The following IWS1 variants were observed in gnomAD, a reference collection of about 807,000 sequenced individuals.
IWS1 encodes the protein interacts with SUPT6H, CTD assembly factor 1.
Under a neutral mutation model 86.7 loss-of-function variants are expected in IWS1, and 27 were observed. The observed-to-expected ratio is 0.31, with a 90% CI of 0.23 to 0.43. The LOEUF (loss-of-function observed/expected upper bound fraction) is 0.43, where lower values mean the gene tolerates loss of function less well. IWS1 is among the 20% of genes least tolerant of loss of function. IWS1 has a pLI of 1.00. For missense variants in IWS1, 827 were observed against 1,000.8 expected (o/e 0.83, Z 2.34); for synonymous variants, 313 against 335.1 (o/e 0.93, Z 0.72).
intron 1 of IWS1, 58 bp downstream of exon 1, chr2:127,526,117 A>G: frequency 1.3e-6 from 2 of 1,529,042 alleles, no homozygotes; most frequent in African/African-American, 1.4e-5. Flanking sequence ...GTGCCAGGCC[A>G]AGCCCCGCCG....
intron 2 of IWS1, among the ~76,000 whole-genome samples, chr2:127,508,413 A>T (rs1691261959): frequency 6.6e-6 from 1 of 152,208 alleles, no homozygotes; most frequent in Non-Finnish European, 1.5e-5. Context: ...CTGAGTTAAG[A>T]CGGGAGGGTG....
In IWS1 at chr2:127,505,634, T is replaced by C. The variant is rs572106694; in HGVS notation, c.269A>G (p.Gln90Arg). ...CTCAGATTCAGAGTCGCTGTCCTTT[T>C]GCCTGTGAAGCTCCTCACTTTCAGA... ...SDSESEELHR[Q>R]KDSDSESEER... is the part of the protein sequence containing the mutation. Residue 90 changes from glutamine (Q) to arginine (R), a missense_variant, in exon 3 of 14, where the codon CAA (glutamine) becomes CGA (arginine). Gln to Arg is a conservative substitution (Grantham distance 43). Around this residue, in one of 2 missense-constraint regions of IWS1, gnomAD observed 548 missense variants for 560.2 expected, o/e 0.98. Coordinates refer to ENST00000295321, the MANE Select transcript of IWS1 (RefSeq NM_017969.3). The surrounding 1 kb of genome is among the most constrained non-coding windows in gnomAD (Gnocchi z 5.0). The C allele has an allele frequency of 6.2e-7, 1 of 1,613,482 alleles. No individual in the cohort carries two copies. Among genetic ancestry groups the C allele is most frequent in the Admixed American group, 1.7e-5 (1 of 59,930 alleles).
intron 6 of IWS1, among the ~76,000 whole-genome samples, chr2:127,497,378 T>C (rs749328430): frequency 2.2e-4 from 34 of 152,350 alleles, no homozygotes; most frequent in Non-Finnish European, 3.8e-4. Context: ...TGTTGTGGTC[T>C]TATATAGCAT....
intron 2 of IWS1, among the ~76,000 whole-genome samples, chr2:127,521,586 G>GT (rs935756644): frequency 4.6e-5 from 7 of 152,172 alleles, no homozygotes; most frequent in Non-Finnish European, 8.8e-5. Flanking sequence ...ACTTACAGAG[G>GT]TAAGACCTAC....
At chr2:127,524,590 G>T (rs1408948652) in intron 1 of IWS1, among the ~76,000 whole-genome samples, 2 of 151,268 alleles carry the variant, frequency 1.3e-5, no homozygotes, top group Non-Finnish European at 2.9e-5. Context: ...CCAGGCTGGA[G>T]TGCAATGGTG....
intron 1 of IWS1, among the ~76,000 whole-genome samples, chr2:127,524,451 A>C (rs189682122): frequency 6.6e-6 from 1 of 151,120 alleles, no homozygotes; most frequent in East Asian, 2.0e-4. Context: ...TTTGCCTCCT[A>C]AAGTGCTGGG....
chr2:127,519,312 G>A (rs922922452), intron 2 of IWS1, among the ~76,000 whole-genome samples: 4 of 152,096 alleles, frequency 2.6e-5, no homozygotes, highest in African/African-American at 9.7e-5. Flanking sequence ...TCTGTCACCT[G>A]TCTGAGATTA....
At chr2:127,482,391 C>T (rs3732207) in intron 13 of IWS1, 77,065 of 151,976 alleles carry the variant, frequency 0.51, 21,395 homozygotes, top group Admixed American at 0.66. Context: ...TATTCTGTAT[C>T]GTCTCAATAC....
chr2:127,498,279 T>A lies in IWS1; in HGVS notation c.1468-42A>T, dbSNP rs200867972. ...CACAACCTCCTTACAGATTTTCTTC[T>A]GTATTAAGTGTTCTTAATATTTTGC... On this transcript the variant is annotated intron_variant, in intron 5 of 13. Coordinates refer to ENST00000295321, the MANE Select transcript of IWS1 (RefSeq NM_017969.3). 50 of 1,569,308 alleles carry A rather than the reference T, an allele frequency of 3.2e-5. 1 individual carries two copies. In the African/African-American group the frequency reaches 5.3e-4, roughly 17 times the overall value.
At chr2:127,486,126 T>TGTCTA (rs1024411269) in intron 13 of IWS1, 7 of 169,962 alleles carry the variant, frequency 4.1e-5, no homozygotes, top group African/African-American at 1.7e-4. Flanking sequence ...ACAGAATAAG[T>TGTCTA]GTCTACCCTA....
In IWS1 at chr2:127,526,440, G is replaced by A. The variant is rs1464112175; in HGVS notation, c.-232C>T. ...CAGGCTGGCGGGCGGGCAGGCATGC[G>A]AGCCGGCGTTCTACTTCCTAGAAGC... On this transcript the variant is annotated 5_prime_UTR_variant, in exon 1 of 14. Transcript: ENST00000295321. 4 of 1,535,192 alleles carry A rather than the reference G, an allele frequency of 2.6e-6. No individual in the cohort carries two copies. Among genetic ancestry groups the A allele is most frequent in the East Asian group, 4.9e-5 (2 of 40,632 alleles).
chr2:127,486,446 T>C, intron 13 of IWS1, 107 bp downstream of exon 13: 2 of 801,570 alleles, frequency 2.5e-6, no homozygotes, highest in East Asian at 2.7e-5. Flanking sequence ...CAGTCCTCTC[T>C]GAATCAGACA....
intron 12 of IWS1, among the ~76,000 whole-genome samples, chr2:127,488,546 C>T (rs1238861171): frequency 6.6e-6 from 1 of 152,184 alleles, no homozygotes; most frequent in East Asian, 1.9e-4. Flanking sequence ...CCTCTGTTTC[C>T]CAACTACCAC....
intron 2 of IWS1, among the ~76,000 whole-genome samples, chr2:127,518,393 G>A (rs561964627): frequency 6.6e-6 from 1 of 152,212 alleles, no homozygotes; most frequent in South Asian, 2.1e-4. Flanking sequence ...GCGCATGCCT[G>A]TGGTCTCAGC....
At chr2:127,486,818 T>A (rs1220065261) in intron 12 of IWS1, among the ~76,000 whole-genome samples, 154 bp from the exon 13 acceptor site, 1 of 152,212 alleles carries the variant, frequency 6.6e-6, no homozygotes, top group Non-Finnish European at 1.5e-5. Flanking sequence ...TCCACCCTCC[T>A]GCCGCCTCCC....
At position 127,523,061 on chromosome 2, in the gene IWS1, T is replaced by C. The variant is rs150793755; in HGVS notation, c.150+615A>G. 7.7e-3 allele frequency among the ~76,000 whole-genome samples: 1,174 copies of C among 152,044 alleles called. 20 individuals carry two copies. The highest frequency in any genetic ancestry group is 0.027 in the African/African-American group (1,118 of 41,476). On this transcript the variant is annotated intron_variant, in intron 2 of 13. Transcript: ENST00000295321. ...CCCATCTCTACCAAGAAAACAAAAATAGCTGGACGTGGTGGCCTGTGCCTG... is the reference window on the plus strand; with the variant it reads ...CCCATCTCTACCAAGAAAACAAAAACAGCTGGACGTGGTGGCCTGTGCCTG...
intron 10 of IWS1, among the ~76,000 whole-genome samples, 167 bp from the exon 11 acceptor site, chr2:127,490,110 G>A (rs1310013770): frequency 6.6e-6 from 1 of 152,176 alleles, no homozygotes; most frequent in Non-Finnish European, 1.5e-5. Flanking sequence ...CATAATGCCA[G>A]TGTACTGACT....
At chr2:127,525,705 G>A (rs1419104129) in intron 1 of IWS1, among the ~76,000 whole-genome samples, 1 of 152,172 alleles carries the variant, frequency 6.6e-6, no homozygotes, top group Admixed American at 6.5e-5. Flanking sequence ...ACCAGTAAGT[G>A]CCAGAAGCGC....
At chr2:127,491,611 T>C (rs1247591544) in intron 10 of IWS1, among the ~76,000 whole-genome samples, 1 of 151,990 alleles carries the variant, frequency 6.6e-6, no homozygotes. Context: ...GCCCGGCTAA[T>C]TTTTTGTATT....
Sources: allele counts gnomAD v4.1 joint callset (sites outside exome capture counted in the v4.1 genomes callset), GRCh38; gene constraint gnomAD v4.1.1; regional missense constraint gnomAD v4.1.1; non-coding constraint Gnocchi (gnomAD v3.1); transcripts MANE v1.5; gene names NCBI Gene and HGNC (gene_info 2026-07-23, HGNC 2026-07-21).